EYA2: variants seen among roughly 807,000 people sequenced by gnomAD.
EYA2 encodes protein phosphatase EYA2.
A neutral mutation model predicts 69.2 loss-of-function variants in EYA2; 31 were observed. The observed-to-expected ratio is 0.45, with a 90% confidence interval of 0.34 to 0.60. The LOEUF (loss-of-function observed/expected upper bound fraction) is 0.60. EYA2 is among the 20% of genes least tolerant of loss of function. The probability of loss-of-function intolerance (pLI) is 0.02; values close to 1 mark genes in which losing one functional copy is unlikely to be tolerated. For missense variants in EYA2, 622 were observed against 701.2 expected, an observed-to-expected ratio of 0.89 and a Z score of 1.28; for synonymous variants, 257 against 279.4, an observed-to-expected ratio of 0.92 and a Z score of 0.80.
At chr20:46,943,748 C>A (rs1986250347) in intron 1 of EYA2, among the ~76,000 whole-genome samples, 1 of 152,164 alleles carries the variant, frequency 6.6e-6, no homozygotes, top group Non-Finnish European at 1.5e-5. Flanking sequence ...CGTGCTCCCG[C>A]CTTGCTCATC....
At chr20:47,184,356 C>T (rs2034594989) in intron 15 of EYA2, among the ~76,000 whole-genome samples, 1 of 151,300 alleles carries the variant, frequency 6.6e-6, no homozygotes, top group Non-Finnish European at 1.5e-5. Flanking sequence ...TTATTGCTAA[C>T]ATCATCATTG....
chr20:46,977,598 G>A (rs916083167), intron 1 of EYA2, among the ~76,000 whole-genome samples: 11 of 152,200 alleles, frequency 7.2e-5, no homozygotes, highest in Non-Finnish European at 1.3e-4. Context: ...GCTCTTTGGT[G>A]TGCTATGTAA....
chr20:47,131,346 C>T lies in EYA2; in HGVS notation c.889-11713C>T, dbSNP rs1037797504. On this transcript the variant is annotated intron_variant, in intron 9 of 15. Transcript: ENST00000327619. The stretch of plus-strand genomic sequence containing the variant: ...ACAAAATGCTTCCCCCACAAATTTC[C>T]AAACCACTGTCTAGGCGGAGGTGCC... 3.9e-5 allele frequency among the ~76,000 whole-genome samples: 6 copies of T among 152,194 alleles called. No individual in the cohort carries two copies. In the East Asian group the frequency reaches 7.7e-4, roughly 20 times the overall value.
intron 13 of EYA2, 126 bp downstream of exon 13, chr20:47,180,038 A>T (rs916557386): frequency 2.0e-5 from 11 of 539,872 alleles, no homozygotes; most frequent in African/African-American, 7.7e-5. Context: ...CTTTCCAAAT[A>T]TTTTTTTTTT....
chr20:46,923,978 C>G (rs1358755767), intron 1 of EYA2, among the ~76,000 whole-genome samples: 1 of 152,072 alleles, frequency 6.6e-6, no homozygotes, highest in East Asian at 1.9e-4. Flanking sequence ...GTTTTTAACA[C>G]CAAACACTTG....
chr20:46,952,841 T>C (rs1315599358), intron 1 of EYA2, among the ~76,000 whole-genome samples: 2 of 152,232 alleles, frequency 1.3e-5, no homozygotes, highest in East Asian at 3.8e-4. Context: ...GATGCTTTTA[T>C]GTAAGAGGTT....
chr20:46,920,310 C>T (rs756738492), intron 1 of EYA2, among the ~76,000 whole-genome samples: 32 of 151,268 alleles, frequency 2.1e-4, no homozygotes, highest in African/African-American at 6.5e-4. Flanking sequence ...TGCTTTATTG[C>T]GGTGATCTGG....
chr20:47,109,692 G>A (rs2032694052), intron 9 of EYA2, among the ~76,000 whole-genome samples: 1 of 152,068 alleles, frequency 6.6e-6, no homozygotes. Context: ...CTGCACTATG[G>A]TTTTAGATCC....
chr20:46,987,916 G>T (rs1334587367), intron 1 of EYA2, among the ~76,000 whole-genome samples: 2 of 20,352 alleles, frequency 9.8e-5, no homozygotes, highest in Admixed American at 6.9e-4. Context: ...GACAGAGTAA[G>T]TCTCTCTCTC....
At chr20:47,042,517 T>C (rs1324521047) in intron 5 of EYA2, among the ~76,000 whole-genome samples, 1 of 152,198 alleles carries the variant, frequency 6.6e-6, no homozygotes, top group Non-Finnish European at 1.5e-5. Context: ...TATATGACCC[T>C]GGTCATTCAG....
intron 4 of EYA2, among the ~76,000 whole-genome samples, chr20:47,012,182 G>A (rs996472160): frequency 1.3e-5 from 2 of 152,212 alleles, no homozygotes; most frequent in Non-Finnish European, 2.9e-5. Context: ...AAATCCACAT[G>A]CTCACTTTGG....
chr20:46,963,650 G>A (rs752970515), intron 1 of EYA2, among the ~76,000 whole-genome samples: 1 of 152,226 alleles, frequency 6.6e-6, no homozygotes, highest in Non-Finnish European at 1.5e-5. Context: ...TTGGTCTGAA[G>A]TGGAGCCTGA....
intron 1 of EYA2, among the ~76,000 whole-genome samples, chr20:46,898,161 T>A (rs535142847): frequency 2.0e-5 from 3 of 151,768 alleles, no homozygotes. Context: ...GGTGAAGGAG[T>A]TGGTTAGTCT....
At chr20:46,941,395 T>C (rs564398916) in intron 1 of EYA2, among the ~76,000 whole-genome samples, 7 of 152,324 alleles carry the variant, frequency 4.6e-5, no homozygotes, top group African/African-American at 1.7e-4. Flanking sequence ...GCTCCTCAGC[T>C]GTGTGGCCTT....
intron 14 of EYA2, among the ~76,000 whole-genome samples, chr20:47,181,764 G>C (rs983160373): frequency 1.3e-5 from 2 of 152,052 alleles, no homozygotes; most frequent in African/African-American, 2.4e-5. Flanking sequence ...GCATTTTCTT[G>C]GAGCAATTTT....
chr20:46,922,195 C>T (rs79229295), intron 1 of EYA2, among the ~76,000 whole-genome samples: 1 of 152,144 alleles, frequency 6.6e-6, no homozygotes, highest in African/African-American at 2.4e-5. Context: ...ATCATCACCC[C>T]GGAGGACAGG....
intron 5 of EYA2, 190 bp from the exon 6 acceptor site, chr20:47,071,995 A>G (rs2031329730): frequency 1.6e-6 from 1 of 627,186 alleles, no homozygotes; most frequent in South Asian, 1.9e-5. Context: ...CCAGAGGATT[A>G]GTGTCAACAA....
chr20:47,060,858 T>A (rs1398433022), intron 5 of EYA2, among the ~76,000 whole-genome samples: 3 of 151,276 alleles, frequency 2.0e-5, no homozygotes, highest in South Asian at 2.1e-4. Flanking sequence ...TCTCTTTTTT[T>A]TTTTTTTTTT....
chr20:47,148,060 A>AAAAAAAC (rs1202329694), intron 10 of EYA2, among the ~76,000 whole-genome samples: 1 of 141,136 alleles, frequency 7.1e-6, no homozygotes, highest in Admixed American at 7.1e-5. Flanking sequence ...CTCTGTCTCA[A>AAAAAAAC]AAAAAAAAAA....
Sources: allele counts gnomAD v4.1 joint callset (sites outside exome capture counted in the v4.1 genomes callset), GRCh38; gene constraint gnomAD v4.1.1; transcripts MANE v1.5; gene names NCBI Gene and HGNC (gene_info 2026-07-23, HGNC 2026-07-21).